Variants in WEE2 observed in about 807,000 individuals in gnomAD.
The protein encoded by WEE2 is wee1-like protein kinase 2.
A neutral mutation model predicts 60.1 loss-of-function variants in WEE2; 50 were observed. That is an observed-to-expected ratio of 0.83 (90% CI 0.66 to 1.05). The LOEUF is 1.05. WEE2 is among the 50% of genes least tolerant of loss of function. The pLI is 0.00. For missense variants in WEE2, 631 were observed against 684.3 expected, an observed-to-expected ratio of 0.92 and a Z score of 0.87; for synonymous variants, 240 against 241.0, an observed-to-expected ratio of 1.00 and a Z score of 0.04.
At chr7:141,715,820 CCT>C (rs1798785039) in intron 2 of WEE2, among the ~76,000 whole-genome samples, 1 of 152,178 alleles carries the variant, frequency 6.6e-6, no homozygotes, top group East Asian at 1.9e-4. Flanking sequence ...AGTTATTTAA[CCT>C]CTCTCTGTCT....
At chr7:141,728,330 C>A (rs990615321) in intron 10 of WEE2, among the ~76,000 whole-genome samples, 1 of 152,158 alleles carries the variant, frequency 6.6e-6, no homozygotes, top group Non-Finnish European at 1.5e-5. Flanking sequence ...GATATACAGT[C>A]ATCCATCTTG....
Position 141,711,009 on chromosome 7 carries a change from A to G in WEE2, c.342+1909A>G, listed in dbSNP as rs1469280907. On this transcript the variant is annotated intron_variant, in intron 1 of 11. Transcript: ENST00000397541. This position sits in a 1 kb window ranked among gnomAD's most constrained non-coding sequence, Gnocchi z 4.2. Reference sequence around the variant, plus strand: ...TGTTGAACAAAGAAGAGCCTGGACTAGGACAGTGAAAAATTCAGAGATGAC... The same window carrying G: ...TGTTGAACAAAGAAGAGCCTGGACTGGGACAGTGAAAAATTCAGAGATGAC... Among the ~76,000 whole-genome samples, 2 of 152,204 alleles carry G rather than the reference A, an allele frequency of 1.3e-5. No individual in the cohort carries two copies. The highest frequency in any genetic ancestry group is 1.5e-5 in the Non-Finnish European group (1 of 68,028).
At position 141,730,377 on chromosome 7, in the gene WEE2, C is replaced by G. The variant is rs1799117846; in HGVS notation, c.*57C>G. 6.6e-7 allele frequency: 1 copy of G among 1,508,350 alleles called. No homozygotes were observed. Among genetic ancestry groups the G allele is most frequent in the African/African-American group, 1.4e-5 (1 of 72,466 alleles). 93.4% of individuals were successfully genotyped at this position (1,508,350 alleles called of 1,614,324 possible). A position where few individuals can be genotyped will look rare whatever the true frequency, so the allele number is the denominator to read the frequency against. ...CCTATGGATTACGAGGTTGCTGTTG[C>G]TGATTCCCCACCAAAGATCCCAGGG... On this transcript the variant is annotated 3_prime_UTR_variant, in exon 12 of 12. Coordinates refer to ENST00000397541, the MANE Select transcript of WEE2 (RefSeq NM_001105558.1).
chr7:141,723,672 A>G (rs1249733744), intron 6 of WEE2, among the ~76,000 whole-genome samples: 4 of 152,118 alleles, frequency 2.6e-5, no homozygotes, highest in Non-Finnish European at 5.9e-5. Context: ...AGTTCTTACT[A>G]TTTTTTTATT....
rs1179067650 is a variant in WEE2, at chr7:141,719,117, G to T, written c.631G>T (p.Glu211Ter). ...CAACATGGCTTCCCGCTATGAAAAAGAATTCTTGGAGGTTGAAAAAATTGG... is the reference window on the plus strand; with the variant it reads ...CAACATGGCTTCCCGCTATGAAAAATAATTCTTGGAGGTTGAAAAAATTGG... The part of the protein sequence containing the change: ...ETNMASRYEK[E>*]FLEVEKIGVG... The change falls in exon 4 of 12, where the codon GAA becomes TAA. Residue 211 changes from glutamate to a stop codon, truncating the protein, a stop_gained. Coordinates refer to ENST00000397541, the MANE Select transcript of WEE2 (RefSeq NM_001105558.1). LOFTEE classifies it high-confidence loss of function. 1 of 1,613,896 alleles carries T rather than the reference G, an allele frequency of 6.2e-7. No individual in the cohort carries two copies. Among genetic ancestry groups the T allele is most frequent in the Non-Finnish European group, 8.5e-7 (1 of 1,179,978 alleles).
chr7:141,725,276 T>C, intron 9 of WEE2, 80 bp downstream of exon 9: 3 of 1,475,260 alleles, frequency 2.0e-6, no homozygotes, highest in Non-Finnish European at 9.1e-7. Flanking sequence ...CAAAGAAAAA[T>C]GGAGATGCTA....
At chr7:141,728,419 A>G (rs1799059641) in intron 10 of WEE2, among the ~76,000 whole-genome samples, 1 of 152,222 alleles carries the variant, frequency 6.6e-6, no homozygotes, top group Non-Finnish European at 1.5e-5. Flanking sequence ...GCCTTTAGTC[A>G]GGTAAATCTT....
At position 141,725,148 on chromosome 7, in the gene WEE2, T is replaced by A. The variant is rs368696038; in HGVS notation, c.1344T>A (p.Phe448Leu). Residue 448 changes from phenylalanine to leucine, a missense_variant, in exon 9 of 12, where the codon TTT becomes TTA. Phe to Leu is a conservative substitution (Grantham distance 22). Coordinates refer to ENST00000397541, the MANE Select transcript of WEE2 (RefSeq NM_001105558.1). ...GGCACCATATCCGCAAGGGTAACTTTCCGGACGTTCCTCAGGAGCTCTCAG... is the reference window on the plus strand; with the variant it reads ...GGCACCATATCCGCAAGGGTAACTTACCGGACGTTCCTCAGGAGCTCTCAG... ...AAWHHIRKGN[F>L]PDVPQELSES... The A allele has an allele frequency of 1.2e-6, 2 of 1,614,192 alleles. No individual in the cohort carries two copies. Among genetic ancestry groups the A allele is most frequent in the Non-Finnish European group, 1.7e-6 (2 of 1,180,026 alleles).
At position 141,711,451 on chromosome 7, in the gene WEE2, C is replaced by A. The variant is rs1798710041; in HGVS notation, c.342+2351C>A. On this transcript the variant is annotated intron_variant, in intron 1 of 11. Transcript: ENST00000397541. This position sits in a 1 kb window ranked among gnomAD's most constrained non-coding sequence, Gnocchi z 4.2. Reference sequence around the variant, plus strand: ...AGAGGAAAGAGGCTTGATGGCTGATCATTGTTATGCAGAAGACAAAGCTGC... The same window carrying A: ...AGAGGAAAGAGGCTTGATGGCTGATAATTGTTATGCAGAAGACAAAGCTGC... 6.6e-6 allele frequency among the ~76,000 whole-genome samples: 1 copy of A among 152,148 alleles called. No individual in the cohort carries two copies. Among genetic ancestry groups the A allele is most frequent in the Non-Finnish European group, 1.5e-5 (1 of 68,024 alleles).
At chr7:141,719,598 G>A (rs1045436224) in intron 4 of WEE2, among the ~76,000 whole-genome samples, 1 of 152,002 alleles carries the variant, frequency 6.6e-6, no homozygotes, top group Non-Finnish European at 1.5e-5. Context: ...CTACAGGCGC[G>A]CACCACTACA....
intron 10 of WEE2, 67 bp downstream of exon 10, chr7:141,727,513 T>G: frequency 6.4e-7 from 1 of 1,557,536 alleles, no homozygotes; most frequent in Non-Finnish European, 8.7e-7. Context: ...ATGACTAGTC[T>G]ACTGTGTCTT....
intron 1 of WEE2, among the ~76,000 whole-genome samples, chr7:141,710,864 G>A (rs1798698672): frequency 6.6e-6 from 1 of 152,138 alleles, no homozygotes; most frequent in Admixed American, 6.5e-5. Flanking sequence ...TGAGAGTGTT[G>A]AGAGAGCCAT....
rs764018070 is a variant in WEE2, at chr7:141,725,151, G to A, written c.1347G>A (p.Pro449=). The change falls in exon 9 of 12, where the codon CCG becomes CCA. Residue 449 remains proline (P), a synonymous_variant. Coordinates refer to ENST00000397541, the MANE Select transcript of WEE2 (RefSeq NM_001105558.1). ...AWHHIRKGNF[P]DVPQELSESF... ...ACCATATCCGCAAGGGTAACTTTCCGGACGTTCCTCAGGAGCTCTCAGAAA... is the reference window on the plus strand; with the variant it reads ...ACCATATCCGCAAGGGTAACTTTCCAGACGTTCCTCAGGAGCTCTCAGAAA... The A allele has an allele frequency of 8.7e-6, 14 of 1,614,026 alleles. No homozygotes were observed. Among genetic ancestry groups the A allele is most frequent in the Admixed American group, 1.7e-5 (1 of 59,994 alleles).
At chr7:141,723,080 G>A in intron 5 of WEE2, 54 bp from the exon 6 acceptor site, 2 of 1,602,424 alleles carry the variant, frequency 1.2e-6, no homozygotes, top group Non-Finnish European at 1.7e-6. Flanking sequence ...TATTTACTAT[G>A]CTTTCATCTA....
At chr7:141,723,004 ATTTGGGGCT>A (rs1798944427) in intron 5 of WEE2, 121 bp from the exon 6 acceptor site, 1 of 1,184,346 alleles carries the variant, frequency 8.4e-7, no homozygotes. Flanking sequence ...GCTCTTGGGC[ATTTGGGGCT>A]TTGATATCTG....
intron 3 of WEE2, among the ~76,000 whole-genome samples, chr7:141,718,212 T>C (rs1232303887): frequency 6.6e-6 from 1 of 152,160 alleles, no homozygotes; most frequent in Non-Finnish European, 1.5e-5. Flanking sequence ...TCTTCAGGAT[T>C]GGGACACTGA....
At chr7:141,720,708 G>C in intron 4 of WEE2, 1 of 545,570 alleles carries the variant, frequency 1.8e-6, no homozygotes, top group Non-Finnish European at 3.2e-6. Context: ...TCTTAAGTCT[G>C]CTATTACCAG....
Position 141,719,191 on chromosome 7 carries a change from A to T in WEE2, c.705A>T (p.Gly235=), listed in dbSNP as rs56201246. Residue 235 remains glycine (G), a synonymous_variant, in exon 4 of 12, where the codon GGA becomes GGT. Coordinates refer to ENST00000397541, the MANE Select transcript of WEE2 (RefSeq NM_001105558.1). ...ACAAGTGCATTAAGAGGCTGGATGGATGTGTTTATGCAATAAAGCGCTCTA... is the reference window on the plus strand; with the variant it reads ...ACAAGTGCATTAAGAGGCTGGATGGTTGTGTTTATGCAATAAAGCGCTCTA... ...TVYKCIKRLD[G]CVYAIKRSMK... 1,383 of 1,613,950 alleles carry T rather than the reference A, an allele frequency of 8.6e-4. 26 individuals are homozygous for T. In the East Asian group the frequency reaches 0.024, roughly 28 times the overall value.
In WEE2 at chr7:141,731,235, A is replaced by C. The variant is rs2117131758; in HGVS notation, c.*915A>C. 6.6e-6 allele frequency: 1 copy of C among 152,258 alleles called. No individual in the cohort carries two copies. Among genetic ancestry groups the C allele is most frequent in the East Asian group, 1.9e-4 (1 of 5,178 alleles). 9.4% of individuals were successfully genotyped at this position (152,258 alleles called of 1,614,324 possible). A position where few individuals can be genotyped will look rare whatever the true frequency, so the allele number is the denominator to read the frequency against. ...TTTCCTCATTTTTAAAAGCTAATTA[A>C]GTTTTTTTAATTGAATAAACCCTAA... On this transcript the variant is annotated 3_prime_UTR_variant, in exon 12 of 12. Transcript: ENST00000397541.
Sources: gnomAD v4.1 joint callset for allele counts (sites outside exome capture counted in the v4.1 genomes callset) on GRCh38, gnomAD v4.1.1 for gene constraint, Gnocchi (gnomAD v3.1) non-coding constraint, MANE v1.5 for transcripts, NCBI Gene and HGNC (gene_info 2026-07-23, HGNC 2026-07-21) for gene names.